AGMO: variants seen among roughly 807,000 people sequenced by gnomAD.
The protein encoded by AGMO is glyceryl-ether monooxygenase.
Under a neutral mutation model 60.2 loss-of-function variants are expected in AGMO, and 75 were observed. The ratio of observed to expected loss-of-function variants is 1.25; its 90% CI spans 1.03 to 1.51. AGMO has a LOEUF of 1.51. Ranked by LOEUF, AGMO falls within the 40% of genes most tolerant of loss-of-function variation. AGMO has a pLI of 0.00. For missense variants in AGMO, 763 were observed against 525.5 expected (o/e 1.45, Z -4.42); for synonymous variants, 261 against 177.1 (o/e 1.47, Z -3.76).
chr7:15,189,504 G>C, the AGMO span, among the ~76,000 whole-genome samples: 1 of 152,032 alleles, frequency 6.6e-6, no homozygotes, highest in African/African-American at 2.4e-5. Context: ...CTGAATGCAA[G>C]GTCCTCCAGC....
chr7:15,508,645 C>T (rs1046194776), intron 3 of AGMO, among the ~76,000 whole-genome samples: 1 of 151,988 alleles, frequency 6.6e-6, no homozygotes, highest in African/African-American at 2.4e-5. Context: ...AATAAGAATG[C>T]TCGCACAAGA....
chr7:15,505,924 T>C (rs1232097104), intron 3 of AGMO, among the ~76,000 whole-genome samples: 2 of 152,054 alleles, frequency 1.3e-5, no homozygotes, highest in African/African-American at 4.8e-5. Flanking sequence ...CAAAATTCAG[T>C]ACTTTAAAAT....
intron 3 of AGMO, among the ~76,000 whole-genome samples, chr7:15,493,649 A>G (rs1264603178): frequency 2.0e-5 from 3 of 152,008 alleles, no homozygotes; most frequent in South Asian, 2.1e-4. Context: ...TGCTGGGATT[A>G]CAGGCGTGAG....
chr7:15,419,880 C>T (rs917638819), intron 4 of AGMO, among the ~76,000 whole-genome samples: 5 of 151,942 alleles, frequency 3.3e-5, no homozygotes, highest in African/African-American at 1.2e-4. Flanking sequence ...CATAGTCATC[C>T]TTTTTGTTCC....
chr7:15,169,918 C>T, the AGMO span, among the ~76,000 whole-genome samples: 2 of 152,208 alleles, frequency 1.3e-5, no homozygotes, highest in East Asian at 3.9e-4. Context: ...TAGGCCTTAC[C>T]TGTAATTCCC....
chr7:15,390,566 AG>A (rs1784095633), intron 8 of AGMO, 104 bp downstream of exon 8: 3 of 782,488 alleles, frequency 3.8e-6, no homozygotes, highest in Non-Finnish European at 5.8e-6. Flanking sequence ...AAATTTTTTC[AG>A]GTTAGTGTAA....
the AGMO span, among the ~76,000 whole-genome samples, chr7:15,178,805 T>C: frequency 6.6e-6 from 1 of 152,118 alleles, no homozygotes; most frequent in Non-Finnish European, 1.5e-5. Context: ...GTAATTTATT[T>C]ATTTACTTTT....
chr7:15,468,401 T>G (rs917251337), intron 3 of AGMO, among the ~76,000 whole-genome samples: 1 of 152,152 alleles, frequency 6.6e-6, no homozygotes, highest in Non-Finnish European at 1.5e-5. Context: ...AAATTGTCTA[T>G]GTTATCTAAT....
intron 3 of AGMO, among the ~76,000 whole-genome samples, chr7:15,472,633 AT>A (rs1782478585): frequency 2.6e-5 from 4 of 152,002 alleles, no homozygotes; most frequent in Admixed American, 2.6e-4. Context: ...TTAATTTAAA[AT>A]TATTTTGATT....
chr7:15,316,624 AC>A (rs10582396), intron 12 of AGMO, among the ~76,000 whole-genome samples: 1 of 152,056 alleles, frequency 6.6e-6, no homozygotes, highest in African/African-American at 2.4e-5. Context: ...ACACACACAC[AC>A]AAGTTCATTA....
At chr7:15,271,653 T>G (rs888342146) in intron 12 of AGMO, among the ~76,000 whole-genome samples, 4 of 152,142 alleles carry the variant, frequency 2.6e-5, no homozygotes, top group Admixed American at 6.5e-5. Flanking sequence ...TTGGATGCCT[T>G]TTATTTCTTT....
the AGMO span, among the ~76,000 whole-genome samples, chr7:15,143,025 C>T: frequency 6.6e-6 from 1 of 152,008 alleles, no homozygotes. Flanking sequence ...GGATATAAAC[C>T]CCAACAATCT....
chr7:15,300,305 G>A (rs752579179), intron 12 of AGMO, among the ~76,000 whole-genome samples: 1 of 152,140 alleles, frequency 6.6e-6, no homozygotes, highest in Non-Finnish European at 1.5e-5. Context: ...AAACTGGTTA[G>A]TGTCTTTCAC....
chr7:15,529,747 T>C (rs1362477455), intron 3 of AGMO, among the ~76,000 whole-genome samples: 1 of 112,904 alleles, frequency 8.9e-6, no homozygotes, highest in Non-Finnish European at 1.7e-5. Context: ...TCTATATATA[T>C]ATTTCTATAT....
chr7:15,442,182 G>T (rs996887124), intron 3 of AGMO, among the ~76,000 whole-genome samples: 1 of 152,218 alleles, frequency 6.6e-6, no homozygotes, highest in South Asian at 2.1e-4. Context: ...CATTAGCATT[G>T]TTAGTGGTCT....
chr7:15,337,720 A>C (rs1781707797), intron 12 of AGMO, among the ~76,000 whole-genome samples: 2 of 152,210 alleles, frequency 1.3e-5, no homozygotes, highest in African/African-American at 4.8e-5. Flanking sequence ...CAAGGGGCAA[A>C]AATCTCTGTG....
chr7:15,542,998 G>A (rs1342172824), intron 3 of AGMO, among the ~76,000 whole-genome samples: 2 of 152,102 alleles, frequency 1.3e-5, no homozygotes, highest in Non-Finnish European at 2.9e-5. Flanking sequence ...ACAAATCCAT[G>A]CTACTCCTAT....
At chr7:15,355,492 G>A (rs115052536) in intron 12 of AGMO, among the ~76,000 whole-genome samples, 1,233 of 108,994 alleles carry the variant, frequency 0.011, 26 homozygotes, top group African/African-American at 0.048. Flanking sequence ...ACAACTGAGT[G>A]AGACTCTGTC....
intron 3 of AGMO, among the ~76,000 whole-genome samples, chr7:15,541,721 A>G (rs1165904179): frequency 6.6e-6 from 1 of 152,204 alleles, no homozygotes; most frequent in Non-Finnish European, 1.5e-5. Context: ...AGAAAATGCG[A>G]CATATATGCA....
Sources: gnomAD v4.1 joint callset for allele counts (sites outside exome capture counted in the v4.1 genomes callset) on GRCh38, gnomAD v4.1.1 for gene constraint, MANE v1.5 for transcripts, NCBI Gene and HGNC (gene_info 2026-07-23, HGNC 2026-07-21) for gene names.